The following PRKDC variants were observed in gnomAD, a reference collection of about 807,000 sequenced individuals.
PRKDC encodes protein kinase, DNA-activated, catalytic subunit, also known as DNA-dependent protein kinase catalytic subunit.
In PRKDC, 82 loss-of-function variants were observed where a neutral mutation model predicts 486.9. The observed-to-expected ratio is 0.17, with a 90% CI of 0.14 to 0.20. The LOEUF is 0.20. Ranked by LOEUF, PRKDC falls within the 10% of genes least tolerant of loss-of-function variation. The pLI, the probability that PRKDC is intolerant of heterozygous loss-of-function variation, is 1.00. For synonymous variants in PRKDC, 1,895 were observed against 1,837.0 expected (o/e 1.03, Z -0.81); for missense variants, 4,504 against 5,038.2 (o/e 0.89, Z 3.21).
intron 7 of PRKDC, among the ~76,000 whole-genome samples, chr8:47,944,834 T>C (rs891755297): frequency 1.7e-4 from 26 of 152,158 alleles, no homozygotes; most frequent in Admixed American, 1.4e-3. Context: ...GATGATGATG[T>C]GATAGGAGGT....
At chr8:47,892,912 A>T (rs2089493529) in intron 31 of PRKDC, among the ~76,000 whole-genome samples, 1 of 152,234 alleles carries the variant, frequency 6.6e-6, no homozygotes, top group Non-Finnish European at 1.5e-5. Context: ...CATTTACAAT[A>T]CACCAGAAAG....
chr8:47,840,427 T>C (rs1230000318), intron 54 of PRKDC, among the ~76,000 whole-genome samples: 1 of 152,152 alleles, frequency 6.6e-6, no homozygotes, highest in African/African-American at 2.4e-5. Flanking sequence ...TAGAAGGAAA[T>C]TGGTGAAATG....
intron 38 of PRKDC, 140 bp from the exon 39 acceptor site, chr8:47,879,798 A>G: frequency 1.7e-6 from 1 of 575,018 alleles, no homozygotes; most frequent in Non-Finnish European, 2.7e-6. Context: ...TCTAAATTAT[A>G]TTAAAAACCA....
rs762000221 is a variant in PRKDC, at chr8:47,778,599, C to T, written c.11713G>A (p.Ala3905Thr). ...ATGCATATCAGAGCGTGAGAGCTGG[C>T]GAAGTGGGAGCGGAGCGCCAGGAAA... ...EAFLALRSHFASSHALICISH... is the reference protein window; with the variant it reads ...EAFLALRSHFTSSHALICISH... Residue 3905 changes from alanine to threonine, a missense_variant, in exon 83 of 86, where the codon GCC (alanine) becomes ACC (threonine). Around this residue, in one of 6 missense-constraint regions of PRKDC, gnomAD observed 706 missense variants for 945.0 expected, o/e 0.75. Transcript: ENST00000314191. The T allele has an allele frequency of 1.2e-5, 19 of 1,613,542 alleles. No individual in the cohort carries two copies. Among genetic ancestry groups the T allele is most frequent in the South Asian group, 5.5e-5 (5 of 91,004 alleles).
Position 47,912,444 on chromosome 8 carries a change from G to A in PRKDC, c.2900C>T (p.Pro967Leu), listed in dbSNP as rs1221777037. The A allele has an allele frequency of 1.2e-6, 2 of 1,607,070 alleles. No homozygotes were observed. Among genetic ancestry groups the A allele is most frequent in the Non-Finnish European group, 1.7e-6 (2 of 1,176,760 alleles). ...PMYQLYKRTFPVLLRLACDVD... is the reference protein window; with the variant it reads ...PMYQLYKRTFLVLLRLACDVD... The stretch of plus-strand genomic sequence containing the variant: ...ATCACACGCAAGTCGAAGCAGCACA[G>A]GAAACGTCCGCTTATAGAGCTGGTA... Residue 967 changes from proline (P) to leucine (L), a missense_variant, in exon 25 of 86, where the codon CCT becomes CTT. By Grantham distance (98) the Pro-to-Leu change is moderately conservative. This residue lies in a region of PRKDC where 1,969 missense variants were observed against 2,068.9 expected (regional missense o/e 0.95). Transcript: ENST00000314191.
chr8:47,794,246 C>A, intron 74 of PRKDC, 44 bp downstream of exon 74: 2 of 1,492,856 alleles, frequency 1.3e-6, no homozygotes, highest in Non-Finnish European at 9.2e-7. Flanking sequence ...ATTTTTATAA[C>A]CTATAGTATT....
At position 47,940,438 on chromosome 8, in the gene PRKDC, A is replaced by C. The variant is rs1180033764; in HGVS notation, c.967-741T>G. ...CTAGACAATTATCAAAGGCAGAAAAAAAAATCCACCTTCCACTGCCAACTT... is the reference window on the plus strand; with the variant it reads ...CTAGACAATTATCAAAGGCAGAAAACAAAATCCACCTTCCACTGCCAACTT... On this transcript the variant is annotated intron_variant, in intron 10 of 85. Transcript: ENST00000314191. Among the ~76,000 whole-genome samples the C allele has an allele frequency of 1.3e-5, 2 of 152,196 alleles. 1 individual carries two copies. The highest frequency in any genetic ancestry group is 2.9e-5 in the Non-Finnish European group (2 of 68,044).
Position 47,898,475 on chromosome 8 carries a change from C to T in PRKDC, c.3459G>A (p.Leu1153=). The change falls in exon 29 of 86, where the codon TTG becomes TTA. Residue 1153 remains leucine, a synonymous_variant. Coordinates refer to ENST00000314191, the MANE Select transcript of PRKDC (RefSeq NM_006904.7). ...AAGGAAGCAAGATCACCTACCGCGGCAAACGTCGTTTCTTTGCTTTATTTA... is the reference window on the plus strand; with the variant it reads ...AAGGAAGCAAGATCACCTACCGCGGTAAACGTCGTTTCTTTGCTTTATTTA... ...VSLNKAKKRR[L]PRGFPPSASL... The T allele has an allele frequency of 6.4e-7, 1 of 1,553,592 alleles. No homozygotes were observed. The highest frequency in any genetic ancestry group is 8.7e-7 in the Non-Finnish European group (1 of 1,144,820).
At chr8:47,936,939 T>C (rs1035211977) in intron 11 of PRKDC, among the ~76,000 whole-genome samples, 1 of 149,844 alleles carries the variant, frequency 6.7e-6, no homozygotes, top group Non-Finnish European at 1.5e-5. Flanking sequence ...GCTTTTTAAT[T>C]AAGAAGAAAT....
rs564861532 is a variant in PRKDC, at chr8:47,907,046, G to GT, written c.2935-2071dup. Among the ~76,000 whole-genome samples, 833 of 147,988 alleles carry GT rather than the reference G, an allele frequency of 5.6e-3. 7 individuals are homozygous for GT. The highest frequency in any genetic ancestry group is 0.033 in the East Asian group (167 of 5,078). ...TTTTCCACAAAAGAATCATACTGGT[G>GT]TTTTTTTTTTGAGACGGAGTCTCGC... On this transcript the variant is annotated intron_variant, in intron 25 of 85. Coordinates refer to ENST00000314191, the MANE Select transcript of PRKDC (RefSeq NM_006904.7).
Position 47,881,103 on chromosome 8 carries a change from CAAGA to C in PRKDC, c.5067+309_5067+312del, listed in dbSNP as rs201067369. 2.4e-3 allele frequency among the ~76,000 whole-genome samples: 354 copies of C among 148,460 alleles called. 1 individual carries two copies. The highest frequency in any genetic ancestry group is 8.4e-3 in the African/African-American group (335 of 40,010). On this transcript the variant is annotated intron_variant, in intron 38 of 85. Coordinates refer to ENST00000314191, the MANE Select transcript of PRKDC (RefSeq NM_006904.7). ...GAAAGCAAGAAAGCAAGCAAGCAAG[CAAGA>C]AAGAAAGAAATGTTCTCATGTCTTG...
chr8:47,783,932 G>A, intron 77 of PRKDC, 123 bp from the exon 78 acceptor site: 2 of 977,948 alleles, frequency 2.0e-6, no homozygotes, highest in Non-Finnish European at 3.2e-6. Flanking sequence ...TTACTGAAAA[G>A]TTTTCACTTA....
chr8:47,776,825 C>T lies in PRKDC; in HGVS notation c.12182+19G>A, dbSNP rs1193061001. Reference sequence around the variant, plus strand: ...CATGTCGGTAGTCCGTTAGTTTTTTCCACATATAAAAATCTTACCAAGTAA... The same window carrying T: ...CATGTCGGTAGTCCGTTAGTTTTTTTCACATATAAAAATCTTACCAAGTAA... On this transcript the variant is annotated intron_variant, in intron 85 of 85. Coordinates refer to ENST00000314191, the MANE Select transcript of PRKDC (RefSeq NM_006904.7). The T allele has an allele frequency of 6.2e-7, 1 of 1,612,760 alleles. No individual in the cohort carries two copies. Among genetic ancestry groups the T allele is most frequent in the Non-Finnish European group, 8.5e-7 (1 of 1,179,514 alleles).
intron 7 of PRKDC, among the ~76,000 whole-genome samples, chr8:47,946,433 C>T (rs574234732): frequency 2.0e-5 from 3 of 152,122 alleles, no homozygotes; most frequent in Admixed American, 6.5e-5. Context: ...CACTTCCTCC[C>T]GCTCTTCACT....
intron 1 of PRKDC, among the ~76,000 whole-genome samples, chr8:47,958,559 G>C (rs544499087): frequency 3.1e-4 from 47 of 152,108 alleles, no homozygotes; most frequent in African/African-American, 1.1e-3. Context: ...ATAAATGGAA[G>C]GTAAACTTGG....
At position 47,782,370 on chromosome 8, in the gene PRKDC, G is replaced by A; in HGVS notation, c.11396+8C>T. Reference sequence around the variant, plus strand: ...CAGCCTACTGGCTGGGAGCAGCCTGGCAGTTACCTGGAGGTCATGGGCACA... The same window carrying A: ...CAGCCTACTGGCTGGGAGCAGCCTGACAGTTACCTGGAGGTCATGGGCACA... On this transcript the variant is annotated splice_region_variant and intron_variant, in intron 79 of 85. Coordinates refer to ENST00000314191, the MANE Select transcript of PRKDC (RefSeq NM_006904.7). This position sits in a 1 kb window ranked among gnomAD's most constrained non-coding sequence, Gnocchi z 4.9. 6.2e-7 allele frequency: 1 copy of A among 1,606,664 alleles called. No homozygotes were observed. Among genetic ancestry groups the A allele is most frequent in the Non-Finnish European group, 8.5e-7 (1 of 1,176,614 alleles).
In PRKDC at chr8:47,828,248, T is replaced by C; in HGVS notation, c.8497A>G (p.Thr2833Ala). The C allele has an allele frequency of 6.2e-7, 1 of 1,613,466 alleles. No homozygotes were observed. The part of the protein sequence containing the change: ...FKTLSEKNNI[T>A]QKLLQDFNRF... The stretch of plus-strand genomic sequence containing the variant: ...TTGAAGTCTTGAAGCAACTTTTGAG[T>C]GATGTTGTTTTTTTCAGACAGTGTC... Residue 2833 changes from threonine (T) to alanine (A), a missense_variant, in exon 62 of 86, where the codon ACT (threonine) becomes GCT (alanine). Thr to Ala is a moderately conservative substitution (Grantham distance 58). Around this residue, in one of 6 missense-constraint regions of PRKDC, gnomAD observed 1,592 missense variants for 1,724.6 expected, o/e 0.92. Coordinates refer to ENST00000314191, the MANE Select transcript of PRKDC (RefSeq NM_006904.7).
At chr8:47,939,835 C>T (rs2090413665) in intron 10 of PRKDC, 138 bp from the exon 11 acceptor site, 2 of 729,608 alleles carry the variant, frequency 2.7e-6, no homozygotes, top group African/African-American at 1.8e-5. Context: ...TCATAAAGAC[C>T]CTTTGCTTCC....
intron 7 of PRKDC, among the ~76,000 whole-genome samples, chr8:47,952,849 C>T (rs965468035): frequency 2.6e-5 from 4 of 151,808 alleles, no homozygotes; most frequent in African/African-American, 9.7e-5. Flanking sequence ...ACTAAAAATA[C>T]AAAAATTAGG....
Sources: gnomAD v4.1 joint callset for allele counts (sites outside exome capture counted in the v4.1 genomes callset) on GRCh38, gnomAD v4.1.1 for gene constraint, gnomAD v4.1.1 regional missense constraint, Gnocchi (gnomAD v3.1) non-coding constraint, MANE v1.5 for transcripts, NCBI Gene and HGNC (gene_info 2026-07-23, HGNC 2026-07-21) for gene names.